TRIM2: variants seen among roughly 807,000 people sequenced by gnomAD.
The protein encoded by TRIM2 is tripartite motif containing 2.
A neutral mutation model predicts 75.2 loss-of-function variants in TRIM2; 20 were observed. The observed-to-expected ratio is 0.27, with a 90% CI of 0.19 to 0.39. The LOEUF (loss-of-function observed/expected upper bound fraction) is 0.39. Ranked by LOEUF, TRIM2 falls within the 10% of genes least tolerant of loss-of-function variation. The pLI, the probability that TRIM2 is intolerant of heterozygous loss-of-function variation, is 1.00. For synonymous variants in TRIM2, 373 were observed against 388.3 expected (o/e 0.96, Z 0.46); for missense variants, 660 against 990.8 (o/e 0.67, Z 4.48).
intron 1 of TRIM2, among the ~76,000 whole-genome samples, chr4:153,217,691 G>C (rs1314199198): frequency 8.8e-6 from 1 of 113,128 alleles, no homozygotes; most frequent in Non-Finnish European, 2.0e-5. Flanking sequence ...GAAGCAGTTG[G>C]CTATGTTTAG....
intron 11 of TRIM2, among the ~76,000 whole-genome samples, chr4:153,329,556 C>CT (rs1770985544): frequency 6.6e-6 from 1 of 151,698 alleles, no homozygotes; most frequent in African/African-American, 2.4e-5. Flanking sequence ...AAATTAAAGG[C>CT]TGGGCGCTGT....
upstream of TRIM2, among the ~76,000 whole-genome samples, chr4:153,199,778 A>G (rs1226484913): frequency 6.6e-6 from 1 of 151,808 alleles, no homozygotes. Flanking sequence ...GTTTATTTTT[A>G]TCATATTTTT....
upstream of TRIM2, among the ~76,000 whole-genome samples, chr4:153,200,727 ATATATAT>A (rs1560805734): frequency 1.6e-5 from 2 of 128,358 alleles, no homozygotes; most frequent in Non-Finnish European, 3.3e-5. Context: ...AAAAAAAAAT[ATATATAT>A]ATATATATAT....
At chr4:153,328,755 T>C in intron 11 of TRIM2, 85 bp downstream of exon 11, 1 of 1,431,128 alleles carries the variant, frequency 7.0e-7, no homozygotes, top group Non-Finnish European at 9.3e-7. Flanking sequence ...ACTGGAATGT[T>C]TTCTCTTTTC....
In TRIM2 at chr4:153,239,158, C is replaced by G. The variant is rs148498383; in HGVS notation, c.31-31177C>G. 4.8e-3 allele frequency among the ~76,000 whole-genome samples: 732 copies of G among 152,244 alleles called. 1 individual carries two copies. Among genetic ancestry groups the G allele is most frequent in the Non-Finnish European group, 8.1e-3 (554 of 68,006 alleles). Reference sequence around the variant, plus strand: ...ACGAGGTCAGATGATCGAGACCATCCTGGCTAACACAGCGAAACCCCATCT... The same window carrying G: ...ACGAGGTCAGATGATCGAGACCATCGTGGCTAACACAGCGAAACCCCATCT... On this transcript the variant is annotated intron_variant, in intron 1 of 11. Transcript: ENST00000338700.
At position 153,335,314 on chromosome 4, in the gene TRIM2, G is replaced by T; in HGVS notation, c.*348G>T. On this transcript the variant is annotated 3_prime_UTR_variant, in exon 12 of 12. Transcript: ENST00000338700. ...AAAGGTATTCGTTAATCCTGTGAAT[G>T]GTAGCTTTTGCACAGAACTTCCAAA... 1.6e-5 allele frequency: 16 copies of T among 1,001,972 alleles called. No individual in the cohort carries two copies. Among genetic ancestry groups the T allele is most frequent in the Non-Finnish European group, 1.9e-5 (16 of 841,288 alleles). The allele number at this position is 1,001,972 out of a possible 1,614,324, so 62.1% of individuals were successfully genotyped here.
At chr4:153,328,174 A>AT (rs11452822) in intron 10 of TRIM2, among the ~76,000 whole-genome samples, 96,087 of 152,080 alleles carry the variant, frequency 0.63, 31,450 homozygotes, top group African/African-American at 0.81. Context: ...CATTCTTGAA[A>AT]TTAGCAATTT....
Position 153,196,237 on chromosome 4 carries a change from C to A in TRIM2, c.-49+42967C>A, listed in dbSNP as rs182077176. ...CCCAGGAGTTTGAGACCAGCTTGGG[C>A]AACATGGCAAGACCCCATTCCTACC... On this transcript the variant is annotated intron_variant, in intron 1 of 11. Coordinates refer to the TRIM2 transcript ENST00000437508. Among the ~76,000 whole-genome samples the A allele has an allele frequency of 1.3e-4, 20 of 148,858 alleles. No homozygotes were observed. The East Asian group carries it at 3.5e-3, about 26-fold the overall frequency.
At chr4:153,199,386 G>T in intron 1 of TRIM2, among the ~76,000 whole-genome samples, 1 of 152,086 alleles carries the variant, frequency 6.6e-6, no homozygotes, top group East Asian at 1.9e-4. Context: ...AAAGAAGTAG[G>T]AAACTCACTG....
chr4:153,197,726 A>T (rs1733923535), intron 1 of TRIM2, among the ~76,000 whole-genome samples: 2 of 152,158 alleles, frequency 1.3e-5, no homozygotes, highest in Non-Finnish European at 2.9e-5. Flanking sequence ...ACAAAAAGTT[A>T]GCCAGGTGTG....
chr4:153,171,895 A>G (rs935995099), intron 1 of TRIM2, among the ~76,000 whole-genome samples: 5 of 126,346 alleles, frequency 4.0e-5, no homozygotes, highest in Admixed American at 2.7e-4. Flanking sequence ...ATTTTGATTC[A>G]CATGTCACTA....
chr4:153,233,041 T>C lies in TRIM2; in HGVS notation c.30+28481T>C, dbSNP rs182058965. On this transcript the variant is annotated intron_variant, in intron 1 of 11. Coordinates refer to ENST00000338700, the MANE Select transcript of TRIM2 (RefSeq NM_015271.5). ...GAAGTCAAATGCATTCCAGCAGTCA[T>C]CTAATCACAAGAGTGGGTGCGGCCT... Among the ~76,000 whole-genome samples, 16 of 152,326 alleles carry C rather than the reference T, an allele frequency of 1.1e-4. No homozygotes were observed. The East Asian group carries it at 3.1e-3, about 29-fold the overall frequency.
chr4:153,302,379 G>A (rs2150175596), intron 6 of TRIM2, among the ~76,000 whole-genome samples: 1 of 152,318 alleles, frequency 6.6e-6, no homozygotes. Flanking sequence ...GGAATATAGA[G>A]ATGAAGGAAA....
intron 3 of TRIM2, among the ~76,000 whole-genome samples, chr4:153,279,230 C>G (rs1455842): frequency 0.39 from 59,964 of 152,000 alleles, 13,946 homozygotes; most frequent in African/African-American, 0.66. Context: ...TTTGACTCAA[C>G]AATCTGCCTC....
chr4:153,283,682 G>C (rs1270911650), intron 3 of TRIM2, among the ~76,000 whole-genome samples: 3 of 145,290 alleles, frequency 2.1e-5, no homozygotes, highest in African/African-American at 7.8e-5. Context: ...CTTTTGCCAG[G>C]CTGGAGTGCA....
intron 2 of TRIM2, among the ~76,000 whole-genome samples, chr4:153,271,079 T>C (rs1419843642): frequency 6.6e-6 from 1 of 152,232 alleles, no homozygotes; most frequent in Non-Finnish European, 1.5e-5. Context: ...GACTTCCTTA[T>C]TTATCTTCTT....
chr4:153,204,482 CTGCGGGG>C lies in TRIM2; in HGVS notation c.-48_-42del. ...TATAATGGGCCCAGTTGTCTGCGGG[CTGCGGGG>C]AGCTAAGTCCCCAGATTGGAGGAGG... On this transcript the variant is annotated 5_prime_UTR_variant, in exon 1 of 12. Coordinates refer to ENST00000338700, the MANE Select transcript of TRIM2 (RefSeq NM_015271.5). 6.5e-7 allele frequency: 1 copy of C among 1,549,952 alleles called. No homozygotes were observed. Among genetic ancestry groups the C allele is most frequent in the African/African-American group, 1.4e-5 (1 of 73,142 alleles).
chr4:153,272,409 A>C (rs1455275909), intron 2 of TRIM2, among the ~76,000 whole-genome samples: 1 of 152,032 alleles, frequency 6.6e-6, no homozygotes, highest in East Asian at 1.9e-4. Context: ...CGGCCTCCCA[A>C]AGTGCTGGGA....
chr4:153,280,876 G>A (rs1053873904), intron 3 of TRIM2, among the ~76,000 whole-genome samples: 1 of 151,998 alleles, frequency 6.6e-6, no homozygotes, highest in Non-Finnish European at 1.5e-5. Flanking sequence ...AGTAGAGATG[G>A]GGTTTCACCA....
Sources: allele counts gnomAD v4.1 joint callset (sites outside exome capture counted in the v4.1 genomes callset), GRCh38; gene constraint gnomAD v4.1.1; transcripts MANE v1.5; gene names NCBI Gene and HGNC (gene_info 2026-07-23, HGNC 2026-07-21).